Variants in PRIMPOL observed in about 807,000 individuals in gnomAD.
PRIMPOL encodes the protein primase and DNA directed polymerase.
In PRIMPOL, 54 loss-of-function variants were observed where a neutral mutation model predicts 63.6. That is an observed-to-expected ratio of 0.85 (90% CI 0.68 to 1.07). The LOEUF is 1.07. PRIMPOL is among the 50% of genes least tolerant of loss of function. The pLI, the probability that PRIMPOL is intolerant of heterozygous loss-of-function variation, is 0.00. For synonymous variants in PRIMPOL, 197 were observed against 220.2 expected, an observed-to-expected ratio of 0.89 and a Z score of 0.93; for missense variants, 610 against 648.3, an observed-to-expected ratio of 0.94 and a Z score of 0.64.
intron 8 of PRIMPOL, among the ~76,000 whole-genome samples, 166 bp downstream of exon 8, chr4:184,678,560 C>T (rs1754725466): frequency 6.8e-6 from 1 of 147,850 alleles, no homozygotes; most frequent in African/African-American, 2.5e-5. Context: ...CAGAGTCTCC[C>T]TCTGTCACCC....
At chr4:184,691,455 C>T in intron 11 of PRIMPOL, 44 bp from the exon 12 acceptor site, 2 of 1,191,960 alleles carry the variant, frequency 1.7e-6, no homozygotes, top group Non-Finnish European at 2.4e-6. Context: ...TGTTTTCTAC[C>T]CAGTCTTGGT....
intron 7 of PRIMPOL, among the ~76,000 whole-genome samples, chr4:184,676,049 A>G (rs966946810): frequency 1.3e-5 from 2 of 152,052 alleles, no homozygotes; most frequent in African/African-American, 4.8e-5. Flanking sequence ...GCCTATCCCA[A>G]AGTCATTCTT....
chr4:184,694,711 C>A lies in PRIMPOL; in HGVS notation c.1615C>A (p.Leu539Ile). ...AELAEAAENS[L>I]LSYNSEVDEI... ...ATTAGCTGAAGCTGCAGAGAACAGT[C>A]TTCTCAGTTATAACAGTGAAGTGGA... Residue 539 changes from leucine to isoleucine, a missense_variant, in exon 14 of 14, where the codon CTT becomes ATT. Physicochemically the swap from Leu to Ile is conservative, Grantham distance 5. Transcript: ENST00000314970. The A allele has an allele frequency of 3.7e-6, 6 of 1,613,226 alleles. No homozygotes were observed. Among genetic ancestry groups the A allele is most frequent in the Non-Finnish European group, 5.1e-6 (6 of 1,179,158 alleles).
chr4:184,687,905 C>T (rs545396409), intron 11 of PRIMPOL, among the ~76,000 whole-genome samples: 14 of 152,350 alleles, frequency 9.2e-5, no homozygotes, highest in South Asian at 2.1e-4. Flanking sequence ...CATGAGCCAC[C>T]GTGCCCGGCC....
intron 5 of PRIMPOL, 115 bp downstream of exon 5, chr4:184,662,018 T>C: frequency 4.5e-6 from 4 of 887,340 alleles, no homozygotes; most frequent in Non-Finnish European, 6.4e-6. Context: ...TTCTTGCTAC[T>C]CTTCCTTTTG....
At chr4:184,657,892 C>G (rs939912821) in intron 3 of PRIMPOL, among the ~76,000 whole-genome samples, 111 of 152,156 alleles carry the variant, frequency 7.3e-4, no homozygotes, top group South Asian at 6.2e-4. Flanking sequence ...ACTCCCAAGG[C>G]TGAGGCAGGA....
chr4:184,664,800 G>A (rs927587506), intron 5 of PRIMPOL, among the ~76,000 whole-genome samples: 2 of 152,200 alleles, frequency 1.3e-5, no homozygotes, highest in Admixed American at 6.5e-5. Flanking sequence ...AAGAGCCCCT[G>A]TAATACAGAG....
intron 7 of PRIMPOL, among the ~76,000 whole-genome samples, chr4:184,675,659 A>C (rs1322380833): frequency 4.6e-5 from 7 of 152,286 alleles, no homozygotes; most frequent in South Asian, 4.1e-4. Flanking sequence ...TCTACTAAAA[A>C]GACAAAAATT....
chr4:184,661,932 T>TTTTA, intron 5 of PRIMPOL, 29 bp downstream of exon 5: 1 of 1,399,590 alleles, frequency 7.1e-7, no homozygotes, highest in Non-Finnish European at 9.5e-7. Flanking sequence ...TTTTTCTTAT[T>TTTTA]TCTATCCATC....
chr4:184,654,353 AT>A (rs1560927872), intron 2 of PRIMPOL, among the ~76,000 whole-genome samples: 1 of 152,228 alleles, frequency 6.6e-6, no homozygotes, highest in East Asian at 1.9e-4. Flanking sequence ...TTATCTAAGT[AT>A]AGCAGATTTT....
chr4:184,688,861 T>C (rs1757693543), intron 11 of PRIMPOL, among the ~76,000 whole-genome samples: 1 of 152,166 alleles, frequency 6.6e-6, no homozygotes, highest in African/African-American at 2.4e-5. Context: ...GGTGTCTTTG[T>C]TTCTTCACAT....
intron 8 of PRIMPOL, among the ~76,000 whole-genome samples, chr4:184,681,040 G>A (rs1403859446): frequency 6.6e-6 from 1 of 152,150 alleles, no homozygotes; most frequent in African/African-American, 2.4e-5. Flanking sequence ...ACCCAATCTC[G>A]TTTCTTTCGC....
chr4:184,688,720 T>C (rs1322725288), intron 11 of PRIMPOL, among the ~76,000 whole-genome samples: 1 of 152,230 alleles, frequency 6.6e-6, no homozygotes, highest in Non-Finnish European at 1.5e-5. Context: ...CATAATGCAT[T>C]GATTCTAGAC....
rs181965443 is a variant in PRIMPOL at position 184,690,558 on chromosome 4, C to T, written c.1296-941C>T. On this transcript the variant is annotated intron_variant, in intron 11 of 13. Coordinates refer to ENST00000314970, the MANE Select transcript of PRIMPOL (RefSeq NM_152683.4). ...CACTGCAACCTCCGCCTCCCAGGTT[C>T]AAGTGATTCTCCTGCCTCAGCCTCC... is the stretch of plus-strand genomic sequence containing the variant. Among the ~76,000 whole-genome samples, 413 of 152,300 alleles carry T rather than the reference C, an allele frequency of 2.7e-3. 4 individuals are homozygous for T. The highest frequency in any genetic ancestry group is 9.1e-3 in the African/African-American group (379 of 41,566).
chr4:184,659,111 A>G (rs1747520660), intron 3 of PRIMPOL, among the ~76,000 whole-genome samples: 1 of 152,174 alleles, frequency 6.6e-6, no homozygotes, highest in Non-Finnish European at 1.5e-5. Flanking sequence ...TTTGGTCTGC[A>G]TATTCTAATT....
Position 184,677,648 on chromosome 4 carries a change from G to C in PRIMPOL, c.845-584G>C, listed in dbSNP as rs923544301. On this transcript the variant is annotated intron_variant, in intron 7 of 13. Transcript: ENST00000314970. Reference sequence around the variant, plus strand: ...CTTTTGCACTTCCATTTAAATTTTAGAGTCAGTTTGCCGGTTTACACAAAC... The same window carrying C: ...CTTTTGCACTTCCATTTAAATTTTACAGTCAGTTTGCCGGTTTACACAAAC... 1.2e-4 allele frequency among the ~76,000 whole-genome samples: 18 copies of C among 152,120 alleles called. No homozygotes were observed. In the East Asian group the frequency reaches 3.1e-3, roughly 26 times the overall value.
At chr4:184,675,773 T>C (rs1032231515) in intron 7 of PRIMPOL, among the ~76,000 whole-genome samples, 3 of 151,930 alleles carry the variant, frequency 2.0e-5, no homozygotes, top group Admixed American at 2.0e-4. Flanking sequence ...GCCGAGATCA[T>C]ACCACTGCAC....
chr4:184,666,759 G>A (rs1453159178), intron 6 of PRIMPOL, among the ~76,000 whole-genome samples: 1 of 152,170 alleles, frequency 6.6e-6, no homozygotes, highest in Non-Finnish European at 1.5e-5. Flanking sequence ...GTCCCAGGTC[G>A]TATCAAAGAT....
intron 7 of PRIMPOL, among the ~76,000 whole-genome samples, chr4:184,675,541 A>T (rs1448666248): frequency 6.6e-6 from 1 of 152,126 alleles, no homozygotes; most frequent in Non-Finnish European, 1.5e-5. Flanking sequence ...CTTATTGAAA[A>T]AAATTTGGCT....
Sources: gnomAD v4.1 joint callset for allele counts (sites outside exome capture counted in the v4.1 genomes callset) on GRCh38, gnomAD v4.1.1 for gene constraint, MANE v1.5 for transcripts, NCBI Gene and HGNC (gene_info 2026-07-23, HGNC 2026-07-21) for gene names.